MLXIPL: variants seen among roughly 807,000 people sequenced by gnomAD.
The protein encoded by MLXIPL is MLX interacting protein like.
A neutral mutation model predicts 81.5 loss-of-function variants in MLXIPL; 49 were observed. The observed-to-expected ratio is 0.60, with a 90% CI of 0.48 to 0.76. The LOEUF is 0.76. Ranked by LOEUF, MLXIPL falls within the 30% of genes least tolerant of loss-of-function variation. The probability of loss-of-function intolerance (pLI) is 0.00; values close to 1 mark genes in which losing one functional copy is unlikely to be tolerated. For synonymous variants in MLXIPL, 466 were observed against 485.5 expected, an observed-to-expected ratio of 0.96 and a Z score of 0.53; for missense variants, 1,053 against 1,167.0, an observed-to-expected ratio of 0.90 and a Z score of 1.42.
chr7:73,594,125 G>A (rs533299976), intron 16 of MLXIPL, 142 bp from the exon 17 acceptor site: 5 of 1,414,666 alleles, frequency 3.5e-6, no homozygotes, highest in East Asian at 2.3e-5. Flanking sequence ...CAGGCGTCTG[G>A]TGGCCAGAGG....
At chr7:73,643,493 G>A in the MLXIPL span, among the ~76,000 whole-genome samples, 7 of 148,644 alleles carry the variant, frequency 4.7e-5, no homozygotes, top group African/African-American at 1.2e-4. Flanking sequence ...CAGCCTGGGC[G>A]ACAGAGCGAG....
Position 73,600,046 on chromosome 7 carries a change from G to C in MLXIPL, c.902-351C>G, listed in dbSNP as rs527995748. Among the ~76,000 whole-genome samples the C allele has an allele frequency of 7.2e-5, 11 of 152,102 alleles. No homozygotes were observed. In the East Asian group the frequency reaches 2.2e-3, roughly 30 times the overall value. On this transcript the variant is annotated intron_variant, in intron 7 of 16. Transcript: ENST00000313375. ...GCTCCCCTTCCCTGATCTGCTGGAG[G>C]TGCAGAAAGGGGGTGCCCAGAGCGA...
At chr7:73,646,562 G>T in the MLXIPL span, among the ~76,000 whole-genome samples, 1 of 152,116 alleles carries the variant, frequency 6.6e-6, no homozygotes, top group South Asian at 2.1e-4. Context: ...GCCTGGCTCA[G>T]CCAGCAGACT....
chr7:73,636,921 A>G, the MLXIPL span, among the ~76,000 whole-genome samples: 2 of 151,906 alleles, frequency 1.3e-5, no homozygotes, highest in Non-Finnish European at 2.9e-5. Flanking sequence ...TTAGCTGGGC[A>G]TGGTGGCGGA....
In MLXIPL at chr7:73,623,626, A is replaced by C. The variant is rs34060476; in HGVS notation, c.293+574T>G. Among the ~76,000 whole-genome samples the C allele has an allele frequency of 6.6e-6, 1 of 152,098 alleles. No individual in the cohort carries two copies. The highest frequency in any genetic ancestry group is 1.5e-5 in the Non-Finnish European group (1 of 68,014). Reference sequence around the variant, plus strand: ...CCGCCACCCTTAATGTAGCAGATCAAGAAGAGGTGTCTCAGCAATTGCGGG... The same window carrying C: ...CCGCCACCCTTAATGTAGCAGATCACGAAGAGGTGTCTCAGCAATTGCGGG... On this transcript the variant is annotated intron_variant, in intron 1 of 16. Coordinates refer to ENST00000313375, the MANE Select transcript of MLXIPL (RefSeq NM_032951.3). This position sits in a 1 kb window ranked among gnomAD's most constrained non-coding sequence, Gnocchi z 5.7.
At chr7:73,615,931 A>C in intron 2 of MLXIPL, 140 bp downstream of exon 2, 1 of 662,652 alleles carries the variant, frequency 1.5e-6, no homozygotes, top group South Asian at 1.7e-5. Context: ...AAAAAAAAAA[A>C]AAAGGTTGGC....
Position 73,595,836 on chromosome 7 carries a change from G to T in MLXIPL, c.2186+6C>A. 1 of 1,601,652 alleles carries T rather than the reference G, an allele frequency of 6.2e-7. No individual in the cohort carries two copies. Among genetic ancestry groups the T allele is most frequent in the Non-Finnish European group, 8.5e-7 (1 of 1,174,250 alleles). On this transcript the variant is annotated splice_donor_region_variant and intron_variant, in intron 14 of 16. Coordinates refer to ENST00000313375, the MANE Select transcript of MLXIPL (RefSeq NM_032951.3). Reference sequence around the variant, plus strand: ...TGGTCCCAGCACCCGCCTGGACCCTGCCTACTTAATGGCGGCATTGAGCTC... The same window carrying T: ...TGGTCCCAGCACCCGCCTGGACCCTTCCTACTTAATGGCGGCATTGAGCTC...
chr7:73,636,145 C>T, the MLXIPL span, among the ~76,000 whole-genome samples: 1 of 152,170 alleles, frequency 6.6e-6, no homozygotes, highest in Admixed American at 6.5e-5. Context: ...CACCGTGGCT[C>T]ACGCCTGCAA....
chr7:73,640,855 A>C, the MLXIPL span, among the ~76,000 whole-genome samples: 1 of 152,006 alleles, frequency 6.6e-6, no homozygotes, highest in African/African-American at 2.4e-5. Flanking sequence ...AGGACCCCAA[A>C]GTCCAGAGAT....
intron 16 of MLXIPL, 122 bp downstream of exon 16, chr7:73,594,152 G>A (rs993821608): frequency 7.4e-5 from 112 of 1,506,162 alleles, no homozygotes; most frequent in Admixed American, 2.2e-4. Context: ...TGGGGGATGC[G>A]GGGTGGCCAC....
chr7:73,606,200 A>G lies in MLXIPL; in HGVS notation c.619-89T>C, dbSNP rs1331893928. On this transcript the variant is annotated intron_variant, in intron 5 of 16. Transcript: ENST00000313375. ...CCCTCTCCAGGGTCAAGTGGTCAGCAGGACAGAGGGTCTGTCTGTTCACAC... is the reference window on the plus strand; with the variant it reads ...CCCTCTCCAGGGTCAAGTGGTCAGCGGGACAGAGGGTCTGTCTGTTCACAC... 3.7e-6 allele frequency: 5 copies of G among 1,356,538 alleles called. No individual in the cohort carries two copies. The African/African-American group carries it at 4.3e-5, about 12-fold the overall frequency. The allele number at this position is 1,356,538 out of a possible 1,614,324, so 84.0% of individuals were successfully genotyped here. A position where few individuals can be genotyped will look rare whatever the true frequency, so the allele number is the denominator to read the frequency against.
chr7:73,619,814 C>T (rs940199644), intron 1 of MLXIPL, among the ~76,000 whole-genome samples: 1 of 151,600 alleles, frequency 6.6e-6, no homozygotes, highest in Admixed American at 6.6e-5. Context: ...CCTGTGGTCC[C>T]AGCTACTCGG....
intron 15 of MLXIPL, 25 bp downstream of exon 15, chr7:73,595,612 C>T: frequency 6.2e-7 from 1 of 1,614,118 alleles, no homozygotes; most frequent in Non-Finnish European, 8.5e-7. Context: ...TGCAGCCCCC[C>T]AGCCATGGGC....
At chr7:73,602,445 C>T (rs1213184670) in intron 7 of MLXIPL, among the ~76,000 whole-genome samples, 1 of 150,756 alleles carries the variant, frequency 6.6e-6, no homozygotes, top group Non-Finnish European at 1.5e-5. Flanking sequence ...CTGAGGTGGA[C>T]GGATCACCTG....
At chr7:73,636,066 G>C in the MLXIPL span, among the ~76,000 whole-genome samples, 2 of 152,132 alleles carry the variant, frequency 1.3e-5, no homozygotes, top group Non-Finnish European at 2.9e-5. Flanking sequence ...GCAGCCCAGG[G>C]GGTTAAGGAA....
chr7:73,644,658 CCTTT>C, the MLXIPL span, among the ~76,000 whole-genome samples: 3 of 152,166 alleles, frequency 2.0e-5, no homozygotes, highest in African/African-American at 4.8e-5. Flanking sequence ...CCCAGCCCGC[CCTTT>C]CTTCTTTCCT....
Position 73,596,389 on chromosome 7 carries a change from C to A in MLXIPL, c.1913G>T (p.Ser638Ile), listed in dbSNP as rs782658602. The A allele has an allele frequency of 2.5e-6, 4 of 1,611,938 alleles. No individual in the cohort carries two copies. In the East Asian group the frequency reaches 8.9e-5, roughly 36 times the overall value. ...VRVSPPQPIL[S>I]RGRPDSNKTE... ...CTTGTTGCTGTCTGGACGGCCCCGG[C>A]TGAGGATGGGTTGCGGGGGAGAGAC... The change falls in exon 12 of 17, where the codon AGC becomes ATC. Residue 638 changes from serine to isoleucine, a missense_variant. Around this residue, in one of 3 missense-constraint regions of MLXIPL, gnomAD observed 823 missense variants for 933.0 expected, o/e 0.88. Coordinates refer to ENST00000313375, the MANE Select transcript of MLXIPL (RefSeq NM_032951.3). This position sits in a 1 kb window ranked among gnomAD's most constrained non-coding sequence, Gnocchi z 4.7.
intron 2 of MLXIPL, among the ~76,000 whole-genome samples, chr7:73,615,412 C>T (rs1216666966): frequency 1.3e-5 from 2 of 152,292 alleles, no homozygotes; most frequent in Admixed American, 6.5e-5. Context: ...TTTTTACCCT[C>T]GCATTCAAGG....
intron 7 of MLXIPL, among the ~76,000 whole-genome samples, chr7:73,602,076 C>T (rs1554596450): frequency 9.1e-6 from 1 of 110,166 alleles, no homozygotes; most frequent in Non-Finnish European, 2.2e-5. Flanking sequence ...GTCCACCTGC[C>T]TGCCTGCCTG....
Sources: gnomAD v4.1 joint callset for allele counts (sites outside exome capture counted in the v4.1 genomes callset) on GRCh38, gnomAD v4.1.1 for gene constraint, gnomAD v4.1.1 regional missense constraint, Gnocchi (gnomAD v3.1) non-coding constraint, MANE v1.5 for transcripts, NCBI Gene and HGNC (gene_info 2026-07-23, HGNC 2026-07-21) for gene names.